Variants in DGKI observed in about 807,000 individuals in gnomAD.
The protein encoded by DGKI is DAG kinase iota.
DGKI carries 55 observed loss-of-function variants against 147.5 expected under a neutral mutation model. The observed-to-expected ratio is 0.37, with a 90% CI of 0.30 to 0.47. DGKI has a LOEUF of 0.47. Among genes scored for constraint, DGKI ranks in the 20% least tolerant of loss-of-function variants. DGKI has a pLI of 1.00. For missense variants in DGKI, 1,007 were observed against 1,323.8 expected, an observed-to-expected ratio of 0.76 and a Z score of 3.71; for synonymous variants, 469 against 477.1, an observed-to-expected ratio of 0.98 and a Z score of 0.22.
At chr7:137,479,916 T>C (rs1815313912) in intron 23 of DGKI, among the ~76,000 whole-genome samples, 1 of 152,114 alleles carries the variant, frequency 6.6e-6, no homozygotes, top group Non-Finnish European at 1.5e-5. Flanking sequence ...CCCAAATAGG[T>C]TTGCTACTAT....
intron 21 of DGKI, among the ~76,000 whole-genome samples, chr7:137,514,218 C>T (rs115987923): frequency 9.3e-4 from 142 of 152,106 alleles, no homozygotes; most frequent in African/African-American, 3.0e-3. Flanking sequence ...TCACCTCTTC[C>T]GCGGTTTTAG....
chr7:137,469,601 G>C lies in DGKI; in HGVS notation c.2392C>G (p.Pro798Ala), dbSNP rs1013788395. ...AGCCTCTGTGCTGAGAGAGCCCTGG[G>C]GAAGGAGGTTTCATGGTCCTGGAAA... ...VHYQDHETSF[P>A]RALSAQRLSP... is the part of the protein sequence containing the mutation. Residue 798 changes from proline to alanine, a missense_variant, in exon 24 of 33, where the codon CCC becomes GCC. Pro to Ala is a conservative substitution (Grantham distance 27). Transcript: ENST00000614521. 2.5e-6 allele frequency: 4 copies of C among 1,613,852 alleles called. No individual in the cohort carries two copies. In the African/African-American group the frequency reaches 4.0e-5, roughly 16 times the overall value.
chr7:137,576,088 G>C (rs1302736997), intron 17 of DGKI, among the ~76,000 whole-genome samples: 4 of 145,852 alleles, frequency 2.7e-5, no homozygotes, highest in Non-Finnish European at 5.9e-5. Flanking sequence ...GCCCAGGCTG[G>C]AGTGCAGTGG....
chr7:137,680,456 A>C (rs1322225927), intron 2 of DGKI, among the ~76,000 whole-genome samples: 2 of 152,212 alleles, frequency 1.3e-5, no homozygotes, highest in Non-Finnish European at 2.9e-5. Flanking sequence ...AGCCCTTTGA[A>C]TCTCAAAGCT....
chr7:137,738,809 T>C (rs1475577213), intron 1 of DGKI, among the ~76,000 whole-genome samples: 2 of 150,938 alleles, frequency 1.3e-5, no homozygotes, highest in East Asian at 3.9e-4. Flanking sequence ...TTTTCTTTGA[T>C]ACAATTTTGA....
At chr7:137,516,020 A>G (rs1334100632) in intron 21 of DGKI, among the ~76,000 whole-genome samples, 2 of 152,120 alleles carry the variant, frequency 1.3e-5, no homozygotes, top group African/African-American at 2.4e-5. Flanking sequence ...TTAACTCCTC[A>G]GACAGATTTC....
chr7:137,836,548 C>G (rs1798387753), intron 1 of DGKI, among the ~76,000 whole-genome samples: 1 of 152,186 alleles, frequency 6.6e-6, no homozygotes, highest in Non-Finnish European at 1.5e-5. Flanking sequence ...TCACTGGACC[C>G]CAATCCATGG....
intron 1 of DGKI, among the ~76,000 whole-genome samples, chr7:137,831,495 T>C (rs2117071908): frequency 1.3e-5 from 2 of 152,328 alleles, no homozygotes; most frequent in Admixed American, 1.3e-4. Context: ...AAACTCCCCC[T>C]TATAAAACCA....
At chr7:137,480,270 C>A (rs1815326959) in intron 23 of DGKI, among the ~76,000 whole-genome samples, 1 of 152,140 alleles carries the variant, frequency 6.6e-6, no homozygotes, top group African/African-American at 2.4e-5. Flanking sequence ...CTAGCTGGTA[C>A]TGTCCTCTCT....
At chr7:137,805,587 A>G (rs567453300) in intron 1 of DGKI, among the ~76,000 whole-genome samples, 4 of 152,366 alleles carry the variant, frequency 2.6e-5, no homozygotes, top group East Asian at 3.9e-4. Context: ...AAGGCCAAAC[A>G]AGGGCAGTGC....
chr7:137,729,072 GCTGTTC>G (rs1162980343), intron 1 of DGKI, among the ~76,000 whole-genome samples: 4 of 152,032 alleles, frequency 2.6e-5, no homozygotes, highest in African/African-American at 7.2e-5. Context: ...AAAAAAGATG[GCTGTTC>G]ATAAGGAATT....
At chr7:137,622,568 T>C (rs1464096763) in intron 7 of DGKI, among the ~76,000 whole-genome samples, 2 of 152,162 alleles carry the variant, frequency 1.3e-5, no homozygotes, top group Admixed American at 1.3e-4. Flanking sequence ...TCCTTGCCAT[T>C]GTAGCATGAA....
Position 137,420,833 on chromosome 7 carries a change from A to G in DGKI, c.2762-8626T>C, listed in dbSNP as rs73459143. On this transcript the variant is annotated intron_variant, in intron 28 of 32. Coordinates refer to ENST00000614521, the MANE Select transcript of DGKI (RefSeq NM_001321708.2). ...CAGGAGTTTGAGATCAGCCTGGCCA[A>G]CGTGGTACAAACTTGTCTCTGCTAA... is the stretch of plus-strand genomic sequence containing the variant. Among the ~76,000 whole-genome samples, 1,444 of 152,282 alleles carry G rather than the reference A, an allele frequency of 9.5e-3. 15 individuals carry two copies. The highest frequency in any genetic ancestry group is 0.033 in the African/African-American group (1,380 of 41,574).
chr7:137,491,158 G>A lies in DGKI; in HGVS notation c.2249-3469C>T, dbSNP rs184217460. On this transcript the variant is annotated intron_variant, in intron 21 of 32. Coordinates refer to ENST00000614521, the MANE Select transcript of DGKI (RefSeq NM_001321708.2). ...CTACTGCAAAACCCTCAAAAGGCTT[G>A]CAAACTGGCAGTACCGGGTGCCTCA... Among the ~76,000 whole-genome samples the A allele has an allele frequency of 9.6e-4, 146 of 152,280 alleles. 1 individual carries two copies. The highest frequency in any genetic ancestry group is 3.3e-3 in the African/African-American group (137 of 41,560).
chr7:137,698,309 A>G (rs564330508), intron 1 of DGKI, among the ~76,000 whole-genome samples: 20 of 152,176 alleles, frequency 1.3e-4, no homozygotes, highest in African/African-American at 4.3e-4. Context: ...CTGATTGGAA[A>G]CAGACTCTCA....
intron 23 of DGKI, among the ~76,000 whole-genome samples, chr7:137,473,993 T>C (rs1448269147): frequency 6.6e-6 from 1 of 152,186 alleles, no homozygotes; most frequent in Non-Finnish European, 1.5e-5. Context: ...TTCTAACTTC[T>C]GTGAAATGCT....
intron 27 of DGKI, among the ~76,000 whole-genome samples, chr7:137,458,202 C>T (rs548703699): frequency 3.9e-5 from 6 of 152,260 alleles, no homozygotes; most frequent in Non-Finnish European, 7.4e-5. Flanking sequence ...ACAAATCAGA[C>T]CTCACACATT....
intron 19 of DGKI, among the ~76,000 whole-genome samples, chr7:137,569,808 T>C (rs1274435254): frequency 1.6e-4 from 22 of 138,984 alleles, no homozygotes; most frequent in African/African-American, 5.8e-4. Flanking sequence ...CTAAACTTAA[T>C]CCTATTTGCT....
chr7:137,529,696 C>T (rs1426356973), intron 20 of DGKI, among the ~76,000 whole-genome samples: 2 of 152,184 alleles, frequency 1.3e-5, no homozygotes, highest in Non-Finnish European at 2.9e-5. Context: ...GCAGTGAATG[C>T]CATCACTGTT....
Sources: gnomAD v4.1 joint callset for allele counts (sites outside exome capture counted in the v4.1 genomes callset) on GRCh38, gnomAD v4.1.1 for gene constraint, MANE v1.5 for transcripts, NCBI Gene and HGNC (gene_info 2026-07-23, HGNC 2026-07-21) for gene names.